Variants in SLC35F4 observed in about 807,000 individuals in gnomAD.
SLC35F4 encodes the protein solute carrier family 35 member F4.
SLC35F4 carries 24 observed loss-of-function variants against 44.2 expected under a neutral mutation model. The ratio of observed to expected loss-of-function variants is 0.54; its 90% confidence interval spans 0.39 to 0.76. The LOEUF (loss-of-function observed/expected upper bound fraction) is 0.76, where lower values mean the gene tolerates loss of function less well. Ranked by LOEUF, SLC35F4 falls within the 30% of genes least tolerant of loss-of-function variation. The probability of loss-of-function intolerance (pLI) is 0.00; values close to 1 mark genes in which losing one functional copy is unlikely to be tolerated. For missense variants in SLC35F4, 562 were observed against 586.1 expected (o/e 0.96, Z 0.42); for synonymous variants, 238 against 223.6 (o/e 1.06, Z -0.57).
chr14:57,924,415 G>A (rs1889507437), intron 1 of SLC35F4, among the ~76,000 whole-genome samples: 1 of 151,904 alleles, frequency 6.6e-6, no homozygotes, highest in African/African-American at 2.4e-5. Flanking sequence ...GGTGATGGGG[G>A]CATGCCAGGC....
intron 1 of SLC35F4, among the ~76,000 whole-genome samples, chr14:57,692,153 C>G (rs182026687): frequency 2.4e-4 from 36 of 152,300 alleles, no homozygotes; most frequent in Non-Finnish European, 1.5e-5. Context: ...TTGAAATTCT[C>G]TATATTGCAT....
At chr14:57,656,649 C>G (rs1303173224) in intron 1 of SLC35F4, among the ~76,000 whole-genome samples, 2 of 152,084 alleles carry the variant, frequency 1.3e-5, no homozygotes, top group African/African-American at 4.8e-5. Context: ...TCAGCATCCC[C>G]TCTGTAAAGT....
chr14:57,685,944 C>T (rs1357635946), intron 1 of SLC35F4, among the ~76,000 whole-genome samples: 1 of 152,024 alleles, frequency 6.6e-6, no homozygotes, highest in Admixed American at 6.6e-5. Flanking sequence ...ACATGAAAAC[C>T]AATAGTAAAT....
At chr14:57,931,643 C>G (rs1342057536) in intron 1 of SLC35F4, among the ~76,000 whole-genome samples, 2 of 152,222 alleles carry the variant, frequency 1.3e-5, no homozygotes, top group African/African-American at 4.8e-5. Context: ...CCATCCTCCC[C>G]TTTGAACATT....
intron 1 of SLC35F4, among the ~76,000 whole-genome samples, chr14:57,888,320 CAT>C (rs1888694137): frequency 6.6e-6 from 1 of 152,172 alleles, no homozygotes; most frequent in Admixed American, 6.5e-5. Context: ...TTGATATCCA[CAT>C]GTCTTCAACA....
chr14:57,576,803 A>C (rs539542317), intron 4 of SLC35F4, among the ~76,000 whole-genome samples: 1 of 152,306 alleles, frequency 6.6e-6, no homozygotes, highest in South Asian at 2.1e-4. Flanking sequence ...AAATGATCTC[A>C]GAGGGAGACC....
At chr14:57,843,616 G>A (rs1399343115) in intron 1 of SLC35F4, among the ~76,000 whole-genome samples, 1 of 152,108 alleles carries the variant, frequency 6.6e-6, no homozygotes, top group African/African-American at 2.4e-5. Context: ...GGTTTCCAGG[G>A]CAACTAAGAG....
chr14:57,972,270 G>A (rs1594663080), downstream of SLC35F4, among the ~76,000 whole-genome samples: 1 of 152,140 alleles, frequency 6.6e-6, no homozygotes, highest in African/African-American at 2.4e-5. Flanking sequence ...TGTTTAGCTG[G>A]GGAGTGGTAT....
At chr14:57,737,124 GCA>G (rs143875808) in intron 1 of SLC35F4, among the ~76,000 whole-genome samples, 29 of 149,730 alleles carry the variant, frequency 1.9e-4, no homozygotes, top group South Asian at 4.2e-4. Flanking sequence ...GTGTGTGTGT[GCA>G]TGTGTGTGTG....
chr14:57,709,418 G>C (rs1436502803), intron 1 of SLC35F4, among the ~76,000 whole-genome samples: 2 of 152,012 alleles, frequency 1.3e-5, no homozygotes, highest in Admixed American at 1.3e-4. Context: ...CCTAGGTTAT[G>C]ATTATAGAGC....
rs137960860 is a variant in SLC35F4 at position 57,956,226 on chromosome 14, C to T, written n.282+25687G>A. On this transcript the variant is annotated intron_variant and non_coding_transcript_variant, in intron 1 of 1. Transcript: ENST00000556568. ...ATTTAATAAATGGTGTTGGGAAAAC[C>T]GGCTAGCCATATGCAGAAAACTGAA... 5.1e-3 allele frequency among the ~76,000 whole-genome samples: 774 copies of T among 152,086 alleles called. 8 individuals are homozygous for T. The highest frequency in any genetic ancestry group is 0.025 in the East Asian group (130 of 5,178).
At chr14:57,844,983 A>G (rs1885877104) in intron 1 of SLC35F4, among the ~76,000 whole-genome samples, 1 of 151,832 alleles carries the variant, frequency 6.6e-6, no homozygotes, top group African/African-American at 2.4e-5. Context: ...ATCTTGTTCA[A>G]TCTCTTTTCT....
intron 1 of SLC35F4, among the ~76,000 whole-genome samples, chr14:57,781,100 C>T (rs2077609152): frequency 6.6e-6 from 1 of 152,066 alleles, no homozygotes; most frequent in East Asian, 1.9e-4. Flanking sequence ...TTCTGCACAG[C>T]AAAACAAACT....
At chr14:57,606,214 T>C (rs984999545) in intron 1 of SLC35F4, among the ~76,000 whole-genome samples, 2 of 151,344 alleles carry the variant, frequency 1.3e-5, no homozygotes, top group African/African-American at 4.9e-5. Context: ...TCTCAGAGTA[T>C]TAAACAAAGT....
At chr14:57,904,851 A>G (rs946490657) in intron 1 of SLC35F4, among the ~76,000 whole-genome samples, 1 of 152,156 alleles carries the variant, frequency 6.6e-6, no homozygotes, top group African/African-American at 2.4e-5. Context: ...CCAAAAACCT[A>G]TGCTTTTCAT....
intron 1 of SLC35F4, among the ~76,000 whole-genome samples, chr14:57,941,394 T>G (rs1427562234): frequency 1.3e-5 from 2 of 152,216 alleles, no homozygotes; most frequent in Admixed American, 6.5e-5. Flanking sequence ...ACAATATGGA[T>G]GAACCTTGAA....
chr14:57,663,973 A>G (rs942121327), intron 1 of SLC35F4, among the ~76,000 whole-genome samples: 7 of 150,786 alleles, frequency 4.6e-5, no homozygotes, highest in Admixed American at 3.3e-4. Flanking sequence ...GAAATTTCAA[A>G]TAAAAAGTTG....
chr14:57,949,195 G>A lies in SLC35F4; in HGVS notation n.282+32718C>T, dbSNP rs550821754. 1.2e-3 allele frequency among the ~76,000 whole-genome samples: 187 copies of A among 152,162 alleles called. 2 individuals are homozygous for A. Among genetic ancestry groups the A allele is most frequent in the Admixed American group, 4.3e-3 (66 of 15,274 alleles). On this transcript the variant is annotated intron_variant and non_coding_transcript_variant, in intron 1 of 1. Coordinates refer to the SLC35F4 transcript ENST00000556568. The stretch of plus-strand genomic sequence containing the variant: ...TTAGGTTTAGTAGTCATTGTTTTAT[G>A]AATTTAGTAGCTTCAGTGTTAGGTG...
At chr14:57,952,383 C>G (rs1448612297) in intron 1 of SLC35F4, among the ~76,000 whole-genome samples, 1 of 152,074 alleles carries the variant, frequency 6.6e-6, no homozygotes, top group African/African-American at 2.4e-5. Context: ...CTCTTCTCCT[C>G]CAAAGGATCA....
Sources: allele counts gnomAD v4.1 joint callset (sites outside exome capture counted in the v4.1 genomes callset), GRCh38; gene constraint gnomAD v4.1.1; transcripts MANE v1.5; gene names NCBI Gene and HGNC (gene_info 2026-07-23, HGNC 2026-07-21).